Variants in JAKMIP3 observed in about 807,000 individuals in gnomAD.
JAKMIP3 encodes Janus kinase and microtubule interacting protein 3.
JAKMIP3 carries 58 observed loss-of-function variants against 118.5 expected under a neutral mutation model. That is an observed-to-expected ratio of 0.49 (90% CI 0.40 to 0.61). JAKMIP3 has a LOEUF of 0.61. Among genes scored for constraint, JAKMIP3 ranks in the 20% least tolerant of loss-of-function variants. JAKMIP3 has a pLI of 0.00. For synonymous variants in JAKMIP3, 486 were observed against 451.2 expected (o/e 1.08, Z -0.98); for missense variants, 950 against 1,109.0 (o/e 0.86, Z 2.04).
chr10:132,068,125 CCG>C (rs2039204575), intron 1 of JAKMIP3, among the ~76,000 whole-genome samples: 1 of 143,640 alleles, frequency 7.0e-6, no homozygotes, highest in African/African-American at 2.6e-5. Context: ...CTGTGGGCTT[CCG>C]TGTGGACTGG....
chr10:132,164,695 TAGA>T lies in JAKMIP3; in HGVS notation c.2453_2455del (p.Glu818del). On this transcript the variant is annotated inframe_deletion, in exon 21 of 24. Transcript: ENST00000684848. ...AGAATTAAAGAGTTAGAAGAAAGAA[TAGA>T]AGCTCAGAAGAGACAAATAAAGGAA... 3 of 1,599,426 alleles carry T rather than the reference TAGA, an allele frequency of 1.9e-6. No homozygotes were observed. Among genetic ancestry groups the T allele is most frequent in the Non-Finnish European group, 2.6e-6 (3 of 1,166,816 alleles).
chr10:132,100,274 T>G (rs1372248023), intron 1 of JAKMIP3, among the ~76,000 whole-genome samples: 1 of 151,716 alleles, frequency 6.6e-6, no homozygotes, highest in African/African-American at 2.4e-5. Context: ...GGTCTGGGAC[T>G]CAGTGCAGAG....
At chr10:132,081,838 A>G (rs1345708933) in intron 1 of JAKMIP3, among the ~76,000 whole-genome samples, 1 of 151,978 alleles carries the variant, frequency 6.6e-6, no homozygotes, top group Non-Finnish European at 1.5e-5. Flanking sequence ...TCGCTTCCCT[A>G]CAGAGCAGCC....
intron 1 of JAKMIP3, among the ~76,000 whole-genome samples, chr10:132,071,647 T>C (rs138809454): frequency 9.8e-5 from 15 of 152,368 alleles, no homozygotes; most frequent in African/African-American, 3.6e-4. Flanking sequence ...AGATTTAGGA[T>C]TGGCATGTCT....
chr10:132,177,560 T>C (rs538133032), intron 23 of JAKMIP3, among the ~76,000 whole-genome samples: 262 of 147,990 alleles, frequency 1.8e-3, no homozygotes, highest in African/African-American at 6.2e-3. Flanking sequence ...TGGTCGTGTG[T>C]GCGCACCTGC....
intron 1 of JAKMIP3, among the ~76,000 whole-genome samples, chr10:132,100,130 C>G (rs1229814156): frequency 2.0e-5 from 3 of 152,200 alleles, no homozygotes; most frequent in Admixed American, 6.5e-5. Flanking sequence ...CAGACTCTGC[C>G]CAGTGGGTGT....
chr10:132,172,859 T>A (rs1479383935), intron 23 of JAKMIP3, among the ~76,000 whole-genome samples: 2 of 151,538 alleles, frequency 1.3e-5, no homozygotes, highest in African/African-American at 2.4e-5. Context: ...ACAGTATTTC[T>A]AGGCTGTCTC....
In JAKMIP3 at chr10:132,111,402, G is replaced by C. The variant is rs191866452; in HGVS notation, c.136-5675G>C. 2.3e-4 allele frequency among the ~76,000 whole-genome samples: 35 copies of C among 152,292 alleles called. 1 individual carries two copies. In the East Asian group the frequency reaches 6.4e-3, roughly 28 times the overall value. ...AGGGTCGGGGGTGGCTCCAGGTGGGGCTAGAGCCCAGGTAGACATGGGGTG... is the reference window on the plus strand; with the variant it reads ...AGGGTCGGGGGTGGCTCCAGGTGGGCCTAGAGCCCAGGTAGACATGGGGTG... On this transcript the variant is annotated intron_variant, in intron 2 of 23. Transcript: ENST00000684848.
In JAKMIP3 at chr10:132,133,484, A is replaced by T; in HGVS notation, c.806A>T (p.His269Leu). The change falls in exon 4 of 24, where the codon CAT becomes CTT. Residue 269 changes from histidine (H) to leucine (L), a missense_variant. Physicochemically the swap from His to Leu is moderately conservative, Grantham distance 99 (BLOSUM62 -3). Transcript: ENST00000684848. ...HPGSPRRELPHAAGAGDASDH... is the reference protein window; with the variant it reads ...HPGSPRRELPLAAGAGDASDH... ...GGCAGCCCCAGACGGGAACTTCCTCATGCAGCTGGTGCAGGAGACGCTTCA... is the reference window on the plus strand; with the variant it reads ...GGCAGCCCCAGACGGGAACTTCCTCTTGCAGCTGGTGCAGGAGACGCTTCA... 2 of 1,580,830 alleles carry T rather than the reference A, an allele frequency of 1.3e-6. No homozygotes were observed. The highest frequency in any genetic ancestry group is 1.7e-6 in the Non-Finnish European group (2 of 1,164,210).
rs2060754323 is a variant in JAKMIP3, at chr10:132,180,560, T to TGTGTGTGC, written c.*1104-1789_*1104-1782dup. On this transcript the variant is annotated intron_variant, in intron 23 of 23. Coordinates refer to ENST00000684848, the MANE Select transcript of JAKMIP3 (RefSeq NM_001323087.2). ...GTGTGTGTGTGCGTGCGTGCATGCG[T>TGTGTGTGC]GTGTGTGCGTGTGTGTGTGCGTGCG... Among the ~76,000 whole-genome samples the TGTGTGTGC allele has an allele frequency of 1.2e-4, 6 of 51,808 alleles. 3 individuals are homozygous for TGTGTGTGC. Among genetic ancestry groups the TGTGTGTGC allele is most frequent in the African/African-American group, 7.2e-4 (6 of 8,374 alleles). 34.0% of individuals were successfully genotyped at this position (51,808 alleles called of 152,430 possible). A position where few individuals can be genotyped will look rare whatever the true frequency, so the allele number is the denominator to read the frequency against.
intron 23 of JAKMIP3, among the ~76,000 whole-genome samples, chr10:132,171,652 C>CTT (rs34371364): frequency 0.013 from 1,795 of 135,674 alleles, 37 homozygotes; most frequent in African/African-American, 0.034. Context: ...TTTTTTCTTT[C>CTT]TTTTTTTTTT....
chr10:132,173,581 C>T (rs2059837071), intron 23 of JAKMIP3, among the ~76,000 whole-genome samples: 1 of 152,172 alleles, frequency 6.6e-6, no homozygotes, highest in African/African-American at 2.4e-5. Context: ...ATTTGTAATA[C>T]AGCCAGGTGC....
In JAKMIP3 at chr10:132,175,024, A is replaced by G. The variant is rs118001738; in HGVS notation, c.*1103+5991A>G. ...CTGGATACGTGCCATTATCAGATACACCGCTGAAAAGTATTTCTTCCAGTC... is the reference window on the plus strand; with the variant it reads ...CTGGATACGTGCCATTATCAGATACGCCGCTGAAAAGTATTTCTTCCAGTC... On this transcript the variant is annotated intron_variant, in intron 23 of 23. Transcript: ENST00000684848. 4.4e-3 allele frequency among the ~76,000 whole-genome samples: 674 copies of G among 152,260 alleles called. 1 individual carries two copies. The highest frequency in any genetic ancestry group is 7.8e-3 in the Non-Finnish European group (533 of 68,016).
upstream of JAKMIP3, among the ~76,000 whole-genome samples, chr10:132,059,919 A>G (rs1204949849): frequency 6.6e-6 from 1 of 152,218 alleles, no homozygotes; most frequent in African/African-American, 2.4e-5. Flanking sequence ...TGGAAAGGAC[A>G]GGGGAGAGTG....
chr10:132,163,900 C>T lies in JAKMIP3; in HGVS notation c.2424+488C>T, dbSNP rs1416080512. On this transcript the variant is annotated intron_variant, in intron 20 of 23. Coordinates refer to ENST00000684848, the MANE Select transcript of JAKMIP3 (RefSeq NM_001323087.2). ...CCCAAGGCCTGCCTTTGCCTCAGGGCACTGTGGGACCTCAGGCCTGTTGGG... is the reference window on the plus strand; with the variant it reads ...CCCAAGGCCTGCCTTTGCCTCAGGGTACTGTGGGACCTCAGGCCTGTTGGG... Among the ~76,000 whole-genome samples the T allele has an allele frequency of 2.0e-5, 3 of 152,344 alleles. No homozygotes were observed. The East Asian group carries it at 5.8e-4, about 29-fold the overall frequency.
At chr10:132,037,940 C>G (rs1051246713) in intron 1 of JAKMIP3, among the ~76,000 whole-genome samples, 3 of 152,348 alleles carry the variant, frequency 2.0e-5, no homozygotes, top group Non-Finnish European at 2.9e-5. Context: ...TGCCACAAAT[C>G]TGGAAGAAGC....
intron 19 of JAKMIP3, among the ~76,000 whole-genome samples, chr10:132,157,752 A>C (rs1183233527): frequency 6.6e-6 from 1 of 152,208 alleles, no homozygotes; most frequent in African/African-American, 2.4e-5. Flanking sequence ...TGATAAAAGA[A>C]GGCAACCAGC....
intron 1 of JAKMIP3, among the ~76,000 whole-genome samples, chr10:132,045,556 G>A (rs1004726211): frequency 2.6e-5 from 4 of 152,162 alleles, no homozygotes; most frequent in African/African-American, 9.7e-5. Context: ...GAGGTGTCGA[G>A]AGGGAAGTGT....
At chr10:132,144,076 C>T (rs1320737182) in intron 11 of JAKMIP3, 1 of 150,376 alleles carries the variant, frequency 6.6e-6, no homozygotes, top group Non-Finnish European at 1.5e-5. Context: ...TCCTCTGACC[C>T]TGCGTCCTGT....
Sources: allele counts gnomAD v4.1 joint callset (sites outside exome capture counted in the v4.1 genomes callset), GRCh38; gene constraint gnomAD v4.1.1; transcripts MANE v1.5; gene names NCBI Gene and HGNC (gene_info 2026-07-23, HGNC 2026-07-21).